SRGAP2: variants seen among roughly 807,000 people sequenced by gnomAD.
SRGAP2 encodes the protein SLIT-ROBO Rho GTPase activating protein 2, also known as SLIT-ROBO Rho GTPase-activating protein 2.
In SRGAP2, 15 loss-of-function variants were observed where a neutral mutation model predicts 57.2. The ratio of observed to expected loss-of-function variants is 0.26; its 90% CI spans 0.18 to 0.40. SRGAP2 has a LOEUF of 0.40. SRGAP2 is among the 10% of genes least tolerant of loss of function. The probability of loss-of-function intolerance (pLI) is 1.00; values close to 1 mark genes in which losing one functional copy is unlikely to be tolerated. For synonymous variants in SRGAP2, 249 were observed against 248.0 expected, an observed-to-expected ratio of 1.00 and a Z score of -0.04; for missense variants, 520 against 669.6, an observed-to-expected ratio of 0.78 and a Z score of 2.47.
At chr1:206,286,705 G>A (rs1671044830) in intron 2 of SRGAP2, among the ~76,000 whole-genome samples, 2 of 152,198 alleles carry the variant, frequency 1.3e-5, no homozygotes, top group African/African-American at 2.4e-5. Flanking sequence ...AAAGGCTGCT[G>A]TGAGCAGAGA....
chr1:206,369,090 A>G (rs1268460015), intron 4 of SRGAP2, among the ~76,000 whole-genome samples: 1 of 152,186 alleles, frequency 6.6e-6, no homozygotes, highest in Non-Finnish European at 1.5e-5. Flanking sequence ...AATTAGGCCT[A>G]TGAGGAAATA....
chr1:206,414,479 T>A (rs782137086), intron 10 of SRGAP2, among the ~76,000 whole-genome samples: 4 of 152,210 alleles, frequency 2.6e-5, no homozygotes, highest in Non-Finnish European at 5.9e-5. Flanking sequence ...CATCCACCTA[T>A]CTACCTCAGT....
intron 2 of SRGAP2, among the ~76,000 whole-genome samples, chr1:206,266,095 T>G (rs1553314427): frequency 6.7e-6 from 1 of 149,938 alleles, no homozygotes. Flanking sequence ...AGAGGTTATG[T>G]GACTCTTCAG....
chr1:206,419,534 G>A lies in SRGAP2; in HGVS notation c.1469+134G>A, dbSNP rs1660108359. On this transcript the variant is annotated intron_variant, in intron 12 of 22. Transcript: ENST00000573034. Reference sequence around the variant, plus strand: ...TTACAAAGCAATGGCCTGGGGCGGGGTTTGTTTACTTCCCTTTGCCTTACT... The same window carrying A: ...TTACAAAGCAATGGCCTGGGGCGGGATTTGTTTACTTCCCTTTGCCTTACT... The A allele has an allele frequency of 4.4e-6, 3 of 688,520 alleles. No individual in the cohort carries two copies. In the East Asian group the frequency reaches 8.0e-5, roughly 18 times the overall value. 42.7% of individuals were successfully genotyped at this position (688,520 alleles called of 1,614,324 possible). A position where few individuals can be genotyped will look rare whatever the true frequency, so the allele number is the denominator to read the frequency against.
chr1:206,298,543 T>G (rs2102739790), intron 2 of SRGAP2, among the ~76,000 whole-genome samples: 1 of 152,296 alleles, frequency 6.6e-6, no homozygotes, highest in Non-Finnish European at 1.5e-5. Flanking sequence ...TCTTTTAAAG[T>G]GTACAATTCA....
intron 2 of SRGAP2, among the ~76,000 whole-genome samples, chr1:206,294,861 C>G (rs1671501387): frequency 1.3e-5 from 2 of 151,218 alleles, no homozygotes; most frequent in Admixed American, 6.6e-5. Flanking sequence ...GAGATCCAAA[C>G]TACTCTATTG....
intron 13 of SRGAP2, among the ~76,000 whole-genome samples, chr1:206,423,055 G>T (rs188280313): frequency 5.9e-5 from 9 of 152,338 alleles, no homozygotes; most frequent in Admixed American, 2.6e-4. Flanking sequence ...ACAAGAGGAA[G>T]AAGCTAGTAG....
chr1:206,357,533 T>G (rs1316512856), intron 4 of SRGAP2, among the ~76,000 whole-genome samples: 14 of 151,726 alleles, frequency 9.2e-5, no homozygotes, highest in Admixed American at 8.5e-4. Context: ...GTAGTCTGGC[T>G]GTCCCTTAGG....
Position 206,454,363 on chromosome 1 carries a change from A to G in SRGAP2, c.2361-515A>G. 1.6e-6 allele frequency: 1 copy of G among 609,646 alleles called. No individual in the cohort carries two copies. Among genetic ancestry groups the G allele is most frequent in the South Asian group, 2.0e-5 (1 of 50,944 alleles). The allele number at this position is 609,646 out of a possible 1,614,324, so 37.8% of individuals were successfully genotyped here. A position where few individuals can be genotyped will look rare whatever the true frequency, so the allele number is the denominator to read the frequency against. On this transcript the variant is annotated intron_variant, in intron 20 of 22. Coordinates refer to ENST00000573034, the MANE Select transcript of SRGAP2 (RefSeq NM_015326.5). The surrounding 1 kb of genome is among the most constrained non-coding windows in gnomAD (Gnocchi z 4.3). Reference sequence around the variant, plus strand: ...CATCAGTAGCCAGAGGGGCCAGGAGAGCAGTGGAGAGACCTGGGACCGGCT... The same window carrying G: ...CATCAGTAGCCAGAGGGGCCAGGAGGGCAGTGGAGAGACCTGGGACCGGCT...
intron 2 of SRGAP2, among the ~76,000 whole-genome samples, chr1:206,283,078 C>T (rs1470411792): frequency 6.6e-6 from 1 of 151,100 alleles, no homozygotes; most frequent in Non-Finnish European, 1.5e-5. Context: ...GCCTCTGGGC[C>T]TTTGAACATG....
rs375616243 is a variant in SRGAP2, at chr1:206,461,090, G to T, written c.2886G>T (p.Arg962=). The T allele has an allele frequency of 3.1e-5, 24 of 764,854 alleles. No homozygotes were observed. The highest frequency in any genetic ancestry group is 5.6e-5 in the Non-Finnish European group (23 of 407,672). 47.4% of individuals were successfully genotyped at this position (764,854 alleles called of 1,614,324 possible). The change falls in exon 23 of 23, where the codon CGG becomes CGT. Residue 962 remains arginine, a synonymous_variant. Coordinates refer to ENST00000573034, the MANE Select transcript of SRGAP2 (RefSeq NM_015326.5). The part of the protein sequence containing the change: ...SALNELRELE[R]QSSVKHTPDV... The stretch of plus-strand genomic sequence containing the variant: ...TGAATGAGCTACGGGAACTAGAACG[G>T]CAGAGCAGTGTCAAACACACCCCTG...
intron 4 of SRGAP2, among the ~76,000 whole-genome samples, chr1:206,373,911 A>G (rs1271218390): frequency 2.6e-5 from 4 of 151,998 alleles, no homozygotes; most frequent in Non-Finnish European, 5.9e-5. Context: ...TGATTAAACA[A>G]CTAGACCAAA....
intron 17 of SRGAP2, among the ~76,000 whole-genome samples, chr1:206,445,858 C>T (rs1247685753): frequency 6.6e-6 from 1 of 152,174 alleles, no homozygotes; most frequent in South Asian, 2.1e-4. Context: ...GAGCTGCAAG[C>T]AAGTACCTCT....
intron 4 of SRGAP2, among the ~76,000 whole-genome samples, chr1:206,369,078 ATAAT>A (rs1553342162): frequency 6.6e-6 from 1 of 152,216 alleles, no homozygotes; most frequent in East Asian, 1.9e-4. Flanking sequence ...TCAGTTATAA[ATAAT>A]TAGGCCTATG....
At chr1:206,402,403 A>G (rs552026533) in intron 8 of SRGAP2, among the ~76,000 whole-genome samples, 71 of 152,274 alleles carry the variant, frequency 4.7e-4, no homozygotes, top group African/African-American at 1.2e-3. Flanking sequence ...CTCGGTTTTC[A>G]TTGTTCTGAA....
intron 13 of SRGAP2, among the ~76,000 whole-genome samples, chr1:206,426,927 C>G (rs1463827756): frequency 6.6e-6 from 1 of 152,178 alleles, no homozygotes; most frequent in African/African-American, 2.4e-5. Context: ...TCTCTTCACT[C>G]TGTTGATCGT....
chr1:206,428,929 T>G (rs1661045724), intron 13 of SRGAP2, among the ~76,000 whole-genome samples: 1 of 152,154 alleles, frequency 6.6e-6, no homozygotes, highest in African/African-American at 2.4e-5. Flanking sequence ...ATTACAGGTG[T>G]GAGCGACCGC....
intron 2 of SRGAP2, among the ~76,000 whole-genome samples, chr1:206,286,295 A>G (rs1671020153): frequency 6.6e-6 from 1 of 152,098 alleles, no homozygotes; most frequent in African/African-American, 2.4e-5. Flanking sequence ...TAGATAATGC[A>G]TCTCTCCTTT....
intron 9 of SRGAP2, 103 bp from the exon 10 acceptor site, chr1:206,406,274 T>C: frequency 3.0e-6 from 2 of 663,502 alleles, no homozygotes; most frequent in Non-Finnish European, 5.4e-6. Context: ...CACACTCTGA[T>C]GGCATCCTGT....
Sources: allele counts gnomAD v4.1 joint callset (sites outside exome capture counted in the v4.1 genomes callset), GRCh38; gene constraint gnomAD v4.1.1; non-coding constraint Gnocchi (gnomAD v3.1); transcripts MANE v1.5; gene names NCBI Gene and HGNC (gene_info 2026-07-23, HGNC 2026-07-21).